Variants in ZNF37A observed in about 807,000 individuals in gnomAD.
ZNF37A encodes zinc finger protein 37a (KOX 21).
Under a neutral mutation model 12.3 loss-of-function variants are expected in ZNF37A, and 10 were observed. The ratio of observed to expected loss-of-function variants is 0.82; its 90% CI spans 0.50 to 1.38. The LOEUF is 1.38. Among genes scored for constraint, ZNF37A ranks in the 40% most tolerant of loss-of-function variants. The pLI, the probability that ZNF37A is intolerant of heterozygous loss-of-function variation, is 0.00. For synonymous variants in ZNF37A, 207 were observed against 223.0 expected, an observed-to-expected ratio of 0.93 and a Z score of 0.64; for missense variants, 580 against 651.2, an observed-to-expected ratio of 0.89 and a Z score of 1.19.
chr10:38,112,819 T>TTGG (rs2068929959), intron 5 of ZNF37A, among the ~76,000 whole-genome samples: 1 of 92,728 alleles, frequency 1.1e-5, no homozygotes, highest in Admixed American at 1.3e-4. Context: ...TCTTCTTTTC[T>TTGG]TTTCTTTCAC....
chr10:38,134,586 C>G (rs1355701405), intron 7 of ZNF37A, among the ~76,000 whole-genome samples: 2 of 152,208 alleles, frequency 1.3e-5, no homozygotes, highest in Non-Finnish European at 2.9e-5. Flanking sequence ...CTGGGTATCA[C>G]CAGCGGAGGC....
At chr10:38,108,444 G>A (rs1346472283) in intron 5 of ZNF37A, among the ~76,000 whole-genome samples, 4 of 152,070 alleles carry the variant, frequency 2.6e-5, no homozygotes, top group African/African-American at 9.7e-5. Flanking sequence ...AACTAGAGAA[G>A]CAAGAGCAAA....
chr10:38,112,881 C>G (rs1275032032), intron 5 of ZNF37A, among the ~76,000 whole-genome samples: 6 of 151,952 alleles, frequency 3.9e-5, no homozygotes, highest in Non-Finnish European at 7.4e-5. Context: ...GATCTTGGCT[C>G]ACTGCACACT....
intron 7 of ZNF37A, among the ~76,000 whole-genome samples, chr10:38,145,316 A>G (rs1386291176): frequency 1.3e-5 from 2 of 152,224 alleles, no homozygotes; most frequent in Non-Finnish European, 2.9e-5. Flanking sequence ...CACTAATATA[A>G]TTTGAAATTT....
chr10:38,124,945 A>G (rs1172200518), downstream of ZNF37A: 2 of 152,218 alleles, frequency 1.3e-5, no homozygotes, highest in Non-Finnish European at 2.9e-5. Context: ...AAATATGCCA[A>G]TGAAATCCAA....
chr10:38,113,057 T>C (rs540838119), intron 5 of ZNF37A, among the ~76,000 whole-genome samples: 161 of 152,120 alleles, frequency 1.1e-3, no homozygotes, highest in Non-Finnish European at 1.8e-3. Flanking sequence ...CCTCCTGCCT[T>C]GGCCTACCAA....
downstream of ZNF37A, among the ~76,000 whole-genome samples, chr10:38,129,726 G>A (rs2069993415): frequency 6.6e-6 from 1 of 151,946 alleles, no homozygotes; most frequent in Non-Finnish European, 1.5e-5. Context: ...CTATATTTAG[G>A]TACAATTTAA....
At chr10:38,111,991 A>G (rs1407832960) in intron 5 of ZNF37A, among the ~76,000 whole-genome samples, 1 of 151,236 alleles carries the variant, frequency 6.6e-6, no homozygotes, top group South Asian at 2.1e-4. Flanking sequence ...GCCCACTGCA[A>G]GCTCCGCCTC....
chr10:38,145,105 T>C (rs2070234007), intron 7 of ZNF37A, among the ~76,000 whole-genome samples: 1 of 152,212 alleles, frequency 6.6e-6, no homozygotes, highest in Non-Finnish European at 1.5e-5. Context: ...TGGGGCAGTT[T>C]TGAACGGCTT....
At chr10:38,112,773 T>TGTTGG (rs1564932263) in intron 5 of ZNF37A, among the ~76,000 whole-genome samples, 3 of 65,642 alleles carry the variant, frequency 4.6e-5, no homozygotes, top group South Asian at 3.7e-4. Context: ...TTCTTTTCTT[T>TGTTGG]TCTTTTCTTT....
intron 7 of ZNF37A, chr10:38,138,197 G>T (rs1429623922): frequency 2.0e-5 from 3 of 152,296 alleles, no homozygotes; most frequent in Middle Eastern, 3.4e-3. Flanking sequence ...TGAAATAATT[G>T]TAAGTGTATG....
rs749515943 is a variant in ZNF37A at position 38,117,530 on chromosome 10, T to G, written c.379T>G (p.Phe127Val). ...TGAATATAATAAAAATGGGAACAGC[T>G]TCTGGCTGAATGAAGACCTCATTTG... ...PSEYNKNGNS[F>V]WLNEDLIWHQ... is the part of the protein sequence containing the mutation. The change falls in exon 8 of 8, where the codon TTC becomes GTC. Residue 127 changes from phenylalanine (F) to valine (V), a missense_variant. Phe to Val is a conservative substitution (Grantham distance 50). Coordinates refer to ENST00000685332, the MANE Select transcript of ZNF37A (RefSeq NM_001324250.3). The G allele has an allele frequency of 2.2e-5, 36 of 1,613,676 alleles. No homozygotes were observed. In the South Asian group the frequency reaches 3.8e-4, roughly 17 times the overall value.
intron 4 of ZNF37A, among the ~76,000 whole-genome samples, 179 bp downstream of exon 4, chr10:38,095,983 G>A (rs1482358116): frequency 1.3e-5 from 2 of 152,018 alleles, no homozygotes; most frequent in Non-Finnish European, 2.9e-5. Flanking sequence ...TCAGGAGTTC[G>A]AGACCAGCCT....
At chr10:38,144,338 A>G (rs2070225335) in intron 7 of ZNF37A, 2 of 152,176 alleles carry the variant, frequency 1.3e-5, no homozygotes, top group Non-Finnish European at 2.9e-5. Flanking sequence ...ATATAATGTA[A>G]CCAGTGACTT....
At chr10:38,145,546 C>T (rs1359955744) in intron 7 of ZNF37A, among the ~76,000 whole-genome samples, 5 of 152,118 alleles carry the variant, frequency 3.3e-5, no homozygotes, top group Admixed American at 6.5e-5. Flanking sequence ...ATTATCTATA[C>T]ATTCTCACTA....
chr10:38,105,776 T>G (rs2068018151), intron 5 of ZNF37A, among the ~76,000 whole-genome samples: 1 of 152,260 alleles, frequency 6.6e-6, no homozygotes, highest in Non-Finnish European at 1.5e-5. Flanking sequence ...TGGAATTATT[T>G]TCTGAATTTC....
chr10:38,145,146 C>T (rs72793777), intron 7 of ZNF37A, among the ~76,000 whole-genome samples: 10,882 of 152,142 alleles, frequency 0.072, 536 homozygotes, highest in Non-Finnish European at 0.11. Context: ...ACAAATTCAA[C>T]AGCCTTATTG....
At position 38,096,579 on chromosome 10, in the gene ZNF37A, C is replaced by T. The variant is rs190140549; in HGVS notation, c.-39C>T. ...GATCTTTTCTTATTTCTCAGCTACA[C>T]CCTCACAGTTTGCTCTGCTCTTCCA... is the stretch of plus-strand genomic sequence containing the variant. On this transcript the variant is annotated 5_prime_UTR_variant, in exon 5 of 8. Coordinates refer to ENST00000685332, the MANE Select transcript of ZNF37A (RefSeq NM_001324250.3). 586 of 1,607,352 alleles carry T rather than the reference C, an allele frequency of 3.6e-4. No individual in the cohort carries two copies. Among genetic ancestry groups the T allele is most frequent in the African/African-American group, 2.4e-3 (181 of 74,704 alleles).
chr10:38,111,646 C>T (rs1305986594), intron 5 of ZNF37A, among the ~76,000 whole-genome samples: 1 of 152,088 alleles, frequency 6.6e-6, no homozygotes, highest in African/African-American at 2.4e-5. Flanking sequence ...CTTTTAAGAC[C>T]AAATCCAGAT....
Sources: allele counts gnomAD v4.1 joint callset (sites outside exome capture counted in the v4.1 genomes callset), GRCh38; gene constraint gnomAD v4.1.1; transcripts MANE v1.5; gene names NCBI Gene and HGNC (gene_info 2026-07-23, HGNC 2026-07-21).